TSPAN9: variants seen among roughly 807,000 people sequenced by gnomAD.
TSPAN9 encodes the protein tetraspanin 9.
In TSPAN9, 16 loss-of-function variants were observed where a neutral mutation model predicts 31.0. The ratio of observed to expected loss-of-function variants is 0.52; its 90% confidence interval spans 0.35 to 0.78. The LOEUF (loss-of-function observed/expected upper bound fraction) is 0.78, where lower values mean the gene tolerates loss of function less well. Ranked by LOEUF, TSPAN9 falls within the 30% of genes least tolerant of loss-of-function variation. The pLI, the probability that TSPAN9 is intolerant of heterozygous loss-of-function variation, is 0.01. For synonymous variants in TSPAN9, 145 were observed against 121.6 expected, an observed-to-expected ratio of 1.19 and a Z score of -1.27; for missense variants, 272 against 312.5, an observed-to-expected ratio of 0.87 and a Z score of 0.98.
intron 3 of TSPAN9, among the ~76,000 whole-genome samples, chr12:3,237,160 G>A (rs184837755): frequency 6.6e-6 from 1 of 152,112 alleles, no homozygotes; most frequent in Non-Finnish European, 1.5e-5. Context: ...AAAAGAGAAG[G>A]CTCATCCCAA....
intron 3 of TSPAN9, among the ~76,000 whole-genome samples, chr12:3,238,764 A>G (rs1349952300): frequency 1.3e-5 from 2 of 152,224 alleles, no homozygotes; most frequent in Non-Finnish European, 2.9e-5. Context: ...AGCAGAGGCC[A>G]TCTGACAGCA....
chr12:3,220,003 A>G (rs1394680852), intron 3 of TSPAN9, among the ~76,000 whole-genome samples: 1 of 152,010 alleles, frequency 6.6e-6, no homozygotes, highest in Non-Finnish European at 1.5e-5. Flanking sequence ...AAAAATACAA[A>G]AAGTAGTGGC....
chr12:3,190,786 C>T (rs528294292), intron 2 of TSPAN9, among the ~76,000 whole-genome samples: 30 of 152,372 alleles, frequency 2.0e-4, no homozygotes, highest in Admixed American at 2.0e-4. Context: ...GCTGATTTTT[C>T]TAAAGAGCTG....
chr12:3,118,233 TC>T (rs143642253), intron 2 of TSPAN9, among the ~76,000 whole-genome samples: 1 of 138,114 alleles, frequency 7.2e-6, no homozygotes, highest in African/African-American at 2.7e-5. Flanking sequence ...TTTACCTGAT[TC>T]CGCACCGCCC....
At chr12:3,238,273 C>T (rs930245248) in intron 3 of TSPAN9, among the ~76,000 whole-genome samples, 2 of 152,226 alleles carry the variant, frequency 1.3e-5, no homozygotes, top group African/African-American at 4.8e-5. Flanking sequence ...GTGTCCTCTG[C>T]TGTTCCCACT....
At chr12:3,079,751 C>T (rs1013404899) in intron 1 of TSPAN9, among the ~76,000 whole-genome samples, 3 of 150,848 alleles carry the variant, frequency 2.0e-5, no homozygotes, top group Admixed American at 6.6e-5. Context: ...CATGAACCAC[C>T]GTACTTAGCC....
At position 3,286,017 on chromosome 12, in the gene TSPAN9, G is replaced by C. The variant is rs1467757476; in HGVS notation, c.*2901G>C. On this transcript the variant is annotated 3_prime_UTR_variant, in exon 9 of 9. Transcript: ENST00000011898. This position sits in a 1 kb window ranked among gnomAD's most constrained non-coding sequence, Gnocchi z 4.1. ...CTCTCTGGAAGGTGGCCCTGCCCCG[G>C]ACCCTCTTGCAGGTGTCCTGGTTTG... is the stretch of plus-strand genomic sequence containing the variant. The C allele has an allele frequency of 6.6e-6, 1 of 152,546 alleles. No individual in the cohort carries two copies. The highest frequency in any genetic ancestry group is 1.5e-5 in the Non-Finnish European group (1 of 68,066). The allele number at this position is 152,546 out of a possible 1,614,324, so 9.4% of individuals were successfully genotyped here.
intron 3 of TSPAN9, among the ~76,000 whole-genome samples, chr12:3,234,549 A>G (rs2098392341): frequency 6.6e-6 from 1 of 152,162 alleles, no homozygotes; most frequent in Non-Finnish European, 1.5e-5. Context: ...CTTACCTCCA[A>G]AAGTAACATC....
At chr12:3,254,611 C>T (rs1224904070) in intron 3 of TSPAN9, among the ~76,000 whole-genome samples, 2 of 152,232 alleles carry the variant, frequency 1.3e-5, no homozygotes, top group African/African-American at 4.8e-5. Context: ...GTAGAACGTT[C>T]ACCAGGCACC....
At chr12:3,130,089 C>T (rs2098329160) in intron 2 of TSPAN9, among the ~76,000 whole-genome samples, 1 of 152,242 alleles carries the variant, frequency 6.6e-6, no homozygotes, top group African/African-American at 2.4e-5. Flanking sequence ...CTTTGGCCCT[C>T]TCCAGGATAG....
At chr12:3,079,624 G>T (rs2098296808) in intron 1 of TSPAN9, among the ~76,000 whole-genome samples, 1 of 151,560 alleles carries the variant, frequency 6.6e-6, no homozygotes, top group Admixed American at 6.6e-5. Flanking sequence ...ACCACACCTG[G>T]CTAATTTTTG....
intron 2 of TSPAN9, among the ~76,000 whole-genome samples, chr12:3,093,890 TCTCG>T (rs1170527167): frequency 6.6e-6 from 1 of 152,212 alleles, no homozygotes; most frequent in African/African-American, 2.4e-5. Context: ...AAAGACAGGG[TCTCG>T]CTCTGTCATG....
rs2153967981 is a variant in TSPAN9, at chr12:3,143,979, T to G, written c.-17-57198T>G. ...TCTAGGTCCTCTCAGAGAATAGAAC[T>G]AAGAAATAGATATATGTCAACCCAG... On this transcript the variant is annotated intron_variant, in intron 2 of 8. Transcript: ENST00000011898. The surrounding 1 kb of genome is among the most constrained non-coding windows in gnomAD (Gnocchi z 4.2). Among the ~76,000 whole-genome samples the G allele has an allele frequency of 6.6e-6, 1 of 152,356 alleles. No homozygotes were observed. Among genetic ancestry groups the G allele is most frequent in the East Asian group, 1.9e-4 (1 of 5,192 alleles).
chr12:3,181,280 G>A (rs1299075950), intron 2 of TSPAN9, among the ~76,000 whole-genome samples: 1 of 152,134 alleles, frequency 6.6e-6, no homozygotes, highest in Non-Finnish European at 1.5e-5. Context: ...GCACGGAATC[G>A]GGCCCTGGAC....
intron 3 of TSPAN9, among the ~76,000 whole-genome samples, chr12:3,235,582 C>T (rs940900121): frequency 1.1e-4 from 16 of 152,144 alleles, no homozygotes; most frequent in African/African-American, 3.6e-4. Context: ...CATGGATCAA[C>T]AAGACTGTGT....
chr12:3,265,896 C>A (rs904548219), intron 3 of TSPAN9, among the ~76,000 whole-genome samples: 5 of 152,204 alleles, frequency 3.3e-5, no homozygotes, highest in African/African-American at 1.2e-4. Context: ...TACTCAACCT[C>A]CTTGATCCTT....
At chr12:3,161,922 C>T (rs1171378378) in intron 2 of TSPAN9, among the ~76,000 whole-genome samples, 1 of 152,142 alleles carries the variant, frequency 6.6e-6, no homozygotes, top group African/African-American at 2.4e-5. Context: ...CTCAAGCCAT[C>T]TTCCCGCTTC....
chr12:3,233,484 C>T (rs749823931), intron 3 of TSPAN9, among the ~76,000 whole-genome samples: 2 of 152,168 alleles, frequency 1.3e-5, no homozygotes, highest in African/African-American at 4.8e-5. Context: ...TTTCCCTAAA[C>T]GATGCATTCT....
At chr12:3,128,681 A>T (rs2153966777) in intron 2 of TSPAN9, among the ~76,000 whole-genome samples, 1 of 152,146 alleles carries the variant, frequency 6.6e-6, no homozygotes, top group South Asian at 2.1e-4. Context: ...CTGGGTAACC[A>T]CTCTGTTCCT....
Sources: gnomAD v4.1 joint callset for allele counts (sites outside exome capture counted in the v4.1 genomes callset) on GRCh38, gnomAD v4.1.1 for gene constraint, Gnocchi (gnomAD v3.1) non-coding constraint, MANE v1.5 for transcripts, NCBI Gene and HGNC (gene_info 2026-07-23, HGNC 2026-07-21) for gene names.